Variants in TAFA1 observed in about 807,000 individuals in gnomAD.
The protein encoded by TAFA1 is TAFA chemokine like family member 1, also known as chemokine-like protein TAFA-1.
In TAFA1, 4 loss-of-function variants were observed where a neutral mutation model predicts 18.5. The observed-to-expected ratio is 0.22, with a 90% CI of 0.11 to 0.49. The LOEUF (loss-of-function observed/expected upper bound fraction) is 0.49, where lower values mean the gene tolerates loss of function less well. Ranked by LOEUF, TAFA1 falls within the 20% of genes least tolerant of loss-of-function variation. The pLI is 0.98. For synonymous variants in TAFA1, 56 were observed against 55.2 expected, an observed-to-expected ratio of 1.01 and a Z score of -0.06; for missense variants, 147 against 169.0, an observed-to-expected ratio of 0.87 and a Z score of 0.72.
At chr3:68,511,465 T>A (rs1264154959) in intron 3 of TAFA1, among the ~76,000 whole-genome samples, 1 of 152,070 alleles carries the variant, frequency 6.6e-6, no homozygotes, top group Non-Finnish European at 1.5e-5. Flanking sequence ...AGGTAACTAG[T>A]TTTCTTATAA....
chr3:68,045,047 G>C (rs1333499260), intron 2 of TAFA1, among the ~76,000 whole-genome samples: 1 of 152,094 alleles, frequency 6.6e-6, no homozygotes, highest in East Asian at 1.9e-4. Flanking sequence ...GATCTCAGCT[G>C]GCTCACTTAT....
chr3:68,349,856 C>A (rs1286257042), intron 2 of TAFA1, among the ~76,000 whole-genome samples: 8 of 152,100 alleles, frequency 5.3e-5, no homozygotes, highest in South Asian at 2.1e-4. Context: ...CCCAGAAGAT[C>A]AGCATCTCTG....
intron 2 of TAFA1, among the ~76,000 whole-genome samples, chr3:68,162,856 T>G (rs2065942281): frequency 1.3e-5 from 2 of 152,192 alleles, no homozygotes; most frequent in Non-Finnish European, 2.9e-5. Context: ...AGACTCAGAA[T>G]GAGGAATGAC....
chr3:68,426,081 T>C (rs1447779321), intron 3 of TAFA1, among the ~76,000 whole-genome samples: 1 of 151,478 alleles, frequency 6.6e-6, no homozygotes, highest in Non-Finnish European at 1.5e-5. Flanking sequence ...AGAAAAAATA[T>C]ACTCTTTAAT....
chr3:68,427,330 G>A (rs1197480934), intron 3 of TAFA1, among the ~76,000 whole-genome samples: 1 of 151,640 alleles, frequency 6.6e-6, no homozygotes, highest in Non-Finnish European at 1.5e-5. Flanking sequence ...CTTTAGCTGG[G>A]CTTCAGCCTA....
chr3:68,074,756 T>C (rs1383421810), intron 2 of TAFA1, among the ~76,000 whole-genome samples: 1 of 152,194 alleles, frequency 6.6e-6, no homozygotes, highest in Non-Finnish European at 1.5e-5. Flanking sequence ...GCTTGTCTCA[T>C]AACCACCATA....
chr3:68,435,286 G>T (rs1412781530), intron 3 of TAFA1, among the ~76,000 whole-genome samples: 1 of 152,080 alleles, frequency 6.6e-6, no homozygotes, highest in Admixed American at 6.6e-5. Flanking sequence ...GAAGTTCAAT[G>T]TGCCTGGGTA....
At chr3:68,473,630 T>G (rs1001309874) in intron 3 of TAFA1, among the ~76,000 whole-genome samples, 4 of 152,182 alleles carry the variant, frequency 2.6e-5, no homozygotes, top group Non-Finnish European at 4.4e-5. Context: ...GTAGAATGAT[T>G]ACCTGAGATA....
At chr3:68,245,879 T>G (rs1208522089) in intron 2 of TAFA1, among the ~76,000 whole-genome samples, 1 of 152,202 alleles carries the variant, frequency 6.6e-6, no homozygotes, top group East Asian at 1.9e-4. Context: ...AATATGTTGG[T>G]CTTTTACAAG....
chr3:68,471,202 C>T lies in TAFA1; in HGVS notation c.259+53782C>T, dbSNP rs188404052. Among the ~76,000 whole-genome samples the T allele has an allele frequency of 4.7e-4, 71 of 152,320 alleles. 1 individual carries two copies. The highest frequency in any genetic ancestry group is 1.5e-3 in the African/African-American group (61 of 41,578). The stretch of plus-strand genomic sequence containing the variant: ...GATTTCAGAGGATGTATGGAAATGT[C>T]TGAATGTCCAGGCAGAAGTTTGCTG... On this transcript the variant is annotated intron_variant, in intron 3 of 4. Coordinates refer to ENST00000478136, the MANE Select transcript of TAFA1 (RefSeq NM_213609.4).
intron 2 of TAFA1, among the ~76,000 whole-genome samples, chr3:68,401,081 C>T (rs2070479064): frequency 6.6e-6 from 1 of 152,148 alleles, no homozygotes; most frequent in African/African-American, 2.4e-5. Flanking sequence ...ACCACCAACT[C>T]GTGGAGTTTT....
At chr3:68,056,329 C>T (rs992907563) in intron 2 of TAFA1, among the ~76,000 whole-genome samples, 2 of 152,158 alleles carry the variant, frequency 1.3e-5, no homozygotes, top group Admixed American at 6.5e-5. Context: ...AGTCCCACAT[C>T]CTGAAAAGCT....
At chr3:68,194,311 C>G (rs2066384244) in intron 2 of TAFA1, among the ~76,000 whole-genome samples, 1 of 151,716 alleles carries the variant, frequency 6.6e-6, no homozygotes, top group Non-Finnish European at 1.5e-5. Flanking sequence ...GCATTTCTAT[C>G]TACCTTGGTG....
chr3:68,256,848 C>T (rs748432307), intron 2 of TAFA1, among the ~76,000 whole-genome samples: 3 of 152,074 alleles, frequency 2.0e-5, no homozygotes, highest in African/African-American at 7.2e-5. Flanking sequence ...GGCCCCAAAA[C>T]CTTTGTATGA....
chr3:68,171,635 A>G (rs1382624681), intron 2 of TAFA1, among the ~76,000 whole-genome samples: 2 of 152,236 alleles, frequency 1.3e-5, no homozygotes, highest in Non-Finnish European at 2.9e-5. Flanking sequence ...TGGACTTACT[A>G]TACAAAGACT....
At chr3:68,023,140 A>G (rs775935941) in intron 2 of TAFA1, among the ~76,000 whole-genome samples, 1 of 151,926 alleles carries the variant, frequency 6.6e-6, no homozygotes. Context: ...CTCTGCCAGT[A>G]TCATTAGTTT....
chr3:68,002,719 G>A (rs1704297538), upstream of TAFA1, among the ~76,000 whole-genome samples: 1 of 152,070 alleles, frequency 6.6e-6, no homozygotes, highest in Non-Finnish European at 1.5e-5. Flanking sequence ...GTTTAAGAAT[G>A]TACTCTTGAG....
At chr3:68,415,196 T>C (rs2070805456) in intron 2 of TAFA1, among the ~76,000 whole-genome samples, 1 of 152,180 alleles carries the variant, frequency 6.6e-6, no homozygotes. Context: ...CTTGTACTTC[T>C]CCAACTCCTC....
At chr3:68,365,370 A>C (rs2069547025) in intron 2 of TAFA1, among the ~76,000 whole-genome samples, 1 of 152,184 alleles carries the variant, frequency 6.6e-6, no homozygotes, top group African/African-American at 2.4e-5. Flanking sequence ...AGAAGTTGAA[A>C]CCTGAAAGTT....
Sources: allele counts gnomAD v4.1 joint callset (sites outside exome capture counted in the v4.1 genomes callset), GRCh38; gene constraint gnomAD v4.1.1; transcripts MANE v1.5; gene names NCBI Gene and HGNC (gene_info 2026-07-23, HGNC 2026-07-21).